The following FSTL4 variants were observed in gnomAD, a reference collection of about 807,000 sequenced individuals.
FSTL4 encodes the protein follistatin like 4, also known as follistatin-related protein 4.
FSTL4 carries 28 observed loss-of-function variants against 78.2 expected under a neutral mutation model. The ratio of observed to expected loss-of-function variants is 0.36; its 90% CI spans 0.27 to 0.49. The LOEUF is 0.49. Ranked by LOEUF, FSTL4 falls within the 20% of genes least tolerant of loss-of-function variation. The pLI, the probability that FSTL4 is intolerant of heterozygous loss-of-function variation, is 0.98. For missense variants in FSTL4, 922 were observed against 1,084.9 expected (o/e 0.85, Z 2.11); for synonymous variants, 422 against 440.5 (o/e 0.96, Z 0.53).
chr5:133,734,270 G>A, the FSTL4 span, among the ~76,000 whole-genome samples: 1 of 152,260 alleles, frequency 6.6e-6, no homozygotes, highest in African/African-American at 2.4e-5. Flanking sequence ...AATTGTAAAG[G>A]CATCCTGCAG....
At chr5:133,655,183 T>C in the FSTL4 span, among the ~76,000 whole-genome samples, 1 of 152,218 alleles carries the variant, frequency 6.6e-6, no homozygotes, top group African/African-American at 2.4e-5. Context: ...GGTTCTTCCT[T>C]CTTTTCACCT....
chr5:133,622,504 C>A, the FSTL4 span, among the ~76,000 whole-genome samples: 6 of 152,058 alleles, frequency 3.9e-5, no homozygotes, highest in African/African-American at 1.4e-4. Context: ...ATAAAAGAAC[C>A]AGCAAAATTA....
the FSTL4 span, among the ~76,000 whole-genome samples, chr5:133,629,541 A>T: frequency 6.6e-6 from 1 of 152,214 alleles, no homozygotes; most frequent in East Asian, 1.9e-4. Context: ...GACCAGACAG[A>T]TTCACAGCCA....
rs575940881 is a variant in FSTL4, at chr5:133,406,675, C to T, written c.161-5689G>A. 4.1e-4 allele frequency among the ~76,000 whole-genome samples: 63 copies of T among 152,248 alleles called. 1 individual carries two copies. Among genetic ancestry groups the T allele is most frequent in the South Asian group, 3.9e-3 (19 of 4,818 alleles). On this transcript the variant is annotated intron_variant, in intron 3 of 15. Transcript: ENST00000265342. ...CCCAAGGACATGTGTGTGTTAACAC[C>T]CAGCCAGAGAAGGCCATGTGTAAAG...
Position 133,225,757 on chromosome 5 carries a change from G to C in FSTL4, c.1078C>G (p.Leu360Val), listed in dbSNP as rs1415775529. ...GGAATGCCCTCAGCATGGCATCTTA[G>C]GCTGGCTGCCACTCCAGGCTCCTGT... is the stretch of plus-strand genomic sequence containing the variant. Reference protein sequence around the residue: ...QAQEPGVAASLRCHAEGIPMP... With the variant: ...QAQEPGVAASVRCHAEGIPMP... The change falls in exon 9 of 16, where the codon CTA (leucine) becomes GTA (valine). Residue 360 changes from leucine to valine, a missense_variant. Physicochemically the swap from Leu to Val is conservative, Grantham distance 32. Coordinates refer to ENST00000265342, the MANE Select transcript of FSTL4 (RefSeq NM_015082.2). The surrounding 1 kb of genome is among the most constrained non-coding windows in gnomAD (Gnocchi z 4.6). 1 of 1,611,076 alleles carries C rather than the reference G, an allele frequency of 6.2e-7. No homozygotes were observed. The highest frequency in any genetic ancestry group is 8.5e-7 in the Non-Finnish European group (1 of 1,178,546).
At chr5:133,200,940 C>T (rs750352698) in intron 15 of FSTL4, among the ~76,000 whole-genome samples, 32 of 152,376 alleles carry the variant, frequency 2.1e-4, no homozygotes, top group Non-Finnish European at 4.4e-4. Flanking sequence ...TGCAGAACCT[C>T]TGAGTGTGCC....
chr5:133,504,111 T>C lies in FSTL4; in HGVS notation c.160+63075A>G, dbSNP rs529612387. Among the ~76,000 whole-genome samples, 6 of 152,156 alleles carry C rather than the reference T, an allele frequency of 3.9e-5. No individual in the cohort carries two copies. The East Asian group carries it at 1.2e-3, about 29-fold the overall frequency. On this transcript the variant is annotated intron_variant, in intron 3 of 15. Coordinates refer to ENST00000265342, the MANE Select transcript of FSTL4 (RefSeq NM_015082.2). ...CAATTACTTCCCATCGGGTCCCTCC[T>C]ACCACACGTGGGGATTATGGGAACT...
At chr5:133,265,639 G>A (rs114498222) in intron 6 of FSTL4, among the ~76,000 whole-genome samples, 1 of 152,230 alleles carries the variant, frequency 6.6e-6, no homozygotes, top group Non-Finnish European at 1.5e-5. Flanking sequence ...CCATGTGGTG[G>A]GTTGGGTTTT....
chr5:133,325,094 C>T (rs1754173526), intron 4 of FSTL4, among the ~76,000 whole-genome samples: 1 of 152,240 alleles, frequency 6.6e-6, no homozygotes, highest in Non-Finnish European at 1.5e-5. Context: ...AGGAGGAAAG[C>T]TTCTGCCCTC....
At chr5:133,470,914 C>T (rs929196365) in intron 3 of FSTL4, among the ~76,000 whole-genome samples, 1 of 151,878 alleles carries the variant, frequency 6.6e-6, no homozygotes, top group Non-Finnish European at 1.5e-5. Context: ...AGAACAGACA[C>T]TTTAAGAGAA....
chr5:133,358,190 A>G (rs1230979289), intron 4 of FSTL4, among the ~76,000 whole-genome samples: 2 of 152,178 alleles, frequency 1.3e-5, no homozygotes, highest in African/African-American at 4.8e-5. Flanking sequence ...GCCCTCTCGG[A>G]TAATCCAGGA....
chr5:133,811,435 G>C, the FSTL4 span, among the ~76,000 whole-genome samples: 3 of 152,076 alleles, frequency 2.0e-5, no homozygotes, highest in Admixed American at 2.0e-4. Context: ...CTGAACAAAA[G>C]CTCCCAGCAT....
chr5:133,829,017 C>T, the FSTL4 span, among the ~76,000 whole-genome samples: 1 of 152,142 alleles, frequency 6.6e-6, no homozygotes, highest in East Asian at 1.9e-4. Context: ...CCCGGGGCCA[C>T]GTGCTTCTCA....
intron 4 of FSTL4, among the ~76,000 whole-genome samples, chr5:133,325,854 C>T (rs541860531): frequency 2.6e-5 from 4 of 152,338 alleles, no homozygotes; most frequent in Admixed American, 2.0e-4. Flanking sequence ...CTGCCTGTCC[C>T]CCAGACATTA....
intron 3 of FSTL4, among the ~76,000 whole-genome samples, chr5:133,547,368 T>C (rs1759602577): frequency 6.6e-6 from 1 of 152,222 alleles, no homozygotes; most frequent in African/African-American, 2.4e-5. Flanking sequence ...GAGTTTGTGC[T>C]GGAACAAGTT....
chr5:133,693,849 T>C, the FSTL4 span, among the ~76,000 whole-genome samples: 1 of 152,256 alleles, frequency 6.6e-6, no homozygotes, highest in Non-Finnish European at 1.5e-5. Context: ...TCCAAGGTAG[T>C]GGGGGGTTGC....
chr5:133,625,339 G>T, the FSTL4 span, among the ~76,000 whole-genome samples: 13 of 151,788 alleles, frequency 8.6e-5, no homozygotes, highest in African/African-American at 3.1e-4. Context: ...TGGAGGAGTT[G>T]TGGAAGTTTA....
chr5:133,744,450 T>G, the FSTL4 span, among the ~76,000 whole-genome samples: 141 of 152,298 alleles, frequency 9.3e-4, 1 homozygote, highest in African/African-American at 3.2e-3. Flanking sequence ...CTGTGCCGCA[T>G]GGTGCTGCAG....
the FSTL4 span, among the ~76,000 whole-genome samples, chr5:133,769,576 G>A: frequency 1.3e-5 from 2 of 152,142 alleles, no homozygotes; most frequent in South Asian, 2.1e-4. Context: ...GAGCAAAGGG[G>A]CCCCTAGCTC....
Sources: allele counts gnomAD v4.1 joint callset (sites outside exome capture counted in the v4.1 genomes callset), GRCh38; gene constraint gnomAD v4.1.1; non-coding constraint Gnocchi (gnomAD v3.1); transcripts MANE v1.5; gene names NCBI Gene and HGNC (gene_info 2026-07-23, HGNC 2026-07-21).